ENO4: variants seen among roughly 807,000 people sequenced by gnomAD.
ENO4 encodes the protein enolase 4.
A neutral mutation model predicts 63.2 loss-of-function variants in ENO4; 53 were observed. The observed-to-expected ratio is 0.84, with a 90% CI of 0.67 to 1.05. ENO4 has a LOEUF of 1.05. Among genes scored for constraint, ENO4 ranks in the 50% least tolerant of loss-of-function variants. The pLI is 0.00. For missense variants in ENO4, 719 were observed against 772.0 expected (o/e 0.93, Z 0.81); for synonymous variants, 266 against 283.8 (o/e 0.94, Z 0.63).
intron 12 of ENO4, 26 bp from the exon 13 acceptor site, chr10:116,879,843 A>G (rs1360703466): frequency 1.3e-6 from 2 of 1,515,604 alleles, no homozygotes; most frequent in South Asian, 2.4e-5. Flanking sequence ...TCCTCCGTCT[A>G]AAATTAGTTT....
chr10:116,874,763 C>T (rs1846782613), intron 10 of ENO4, among the ~76,000 whole-genome samples: 1 of 152,190 alleles, frequency 6.6e-6, no homozygotes, highest in East Asian at 1.9e-4. Flanking sequence ...ACCTCTGCCT[C>T]CTGGGCTCAA....
At chr10:116,909,023 A>C (rs1032701512) in intron 10 of ENO4, among the ~76,000 whole-genome samples, 1 of 152,210 alleles carries the variant, frequency 6.6e-6, no homozygotes, top group Non-Finnish European at 1.5e-5. Context: ...TACCAAGACT[A>C]TTTTAGTTAT....
intron 1 of ENO4, among the ~76,000 whole-genome samples, chr10:116,854,844 G>A (rs577075926): frequency 3.8e-4 from 57 of 148,494 alleles, no homozygotes; most frequent in African/African-American, 1.4e-3. Flanking sequence ...GGGAGGCTGA[G>A]GTGGGAGAAT....
At chr10:116,865,527 C>T (rs1846527262) in intron 7 of ENO4, among the ~76,000 whole-genome samples, 1 of 152,114 alleles carries the variant, frequency 6.6e-6, no homozygotes, top group African/African-American at 2.4e-5. Flanking sequence ...TATCATGTTG[C>T]CTGCCTTTAA....
chr10:116,856,571 C>A lies in ENO4; in HGVS notation c.374C>A (p.Ala125Glu), dbSNP rs1347410867. 6.5e-7 allele frequency: 1 copy of A among 1,536,136 alleles called. No homozygotes were observed. The highest frequency in any genetic ancestry group is 8.7e-7 in the Non-Finnish European group (1 of 1,146,914). The stretch of plus-strand genomic sequence containing the variant: ...CCCGAGCTGGCCAAGGCGGAGGAGG[C>A]AGAGAGGGCCAGCGCGGTGAGCACC... ...ALPELAKAEE[A>E]ERASAVSTAV... The change falls in exon 3 of 14, where the codon GCA becomes GAA. Residue 125 changes from alanine (A) to glutamate (E), a missense_variant. Physicochemically the swap from Ala to Glu is moderately radical, Grantham distance 107 (BLOSUM62 -1). This residue lies in a region of ENO4 where 544 missense variants were observed against 583.6 expected (regional missense o/e 0.93). Transcript: ENST00000341276.
chr10:116,911,608 T>C (rs768251214), exon 11 of ENO4: 4 of 1,551,748 alleles, frequency 2.6e-6, no homozygotes, highest in Non-Finnish European at 3.5e-6. Flanking sequence ...CAGTGTTATT[T>C]GAAAAATTAT....
chr10:116,884,959 A>G (rs1847119296), downstream of ENO4: 1 of 152,296 alleles, frequency 6.6e-6, no homozygotes, highest in African/African-American at 2.4e-5. Flanking sequence ...TTACGTTTTA[A>G]TTCTCCATGA....
chr10:116,870,442 A>C (rs967618744), intron 8 of ENO4, among the ~76,000 whole-genome samples: 1 of 152,106 alleles, frequency 6.6e-6, no homozygotes, highest in Non-Finnish European at 1.5e-5. Flanking sequence ...AGACTTCAAG[A>C]CCAGCCTGGG....
chr10:116,870,470 GTC>G (rs910570066), intron 8 of ENO4, among the ~76,000 whole-genome samples: 2 of 152,118 alleles, frequency 1.3e-5, no homozygotes, highest in Admixed American at 6.5e-5. Context: ...GTGAGACCCT[GTC>G]TCTACAAAAA....
At chr10:116,911,750 T>C in exon 11 of ENO4, 1 of 1,581,996 alleles carries the variant, frequency 6.3e-7, no homozygotes, top group Middle Eastern at 1.7e-4. Flanking sequence ...CTCCTTTCAT[T>C]TCCCCATTAG....
At chr10:116,863,767 T>C (rs1846480436) in intron 7 of ENO4, among the ~76,000 whole-genome samples, 1 of 152,192 alleles carries the variant, frequency 6.6e-6, no homozygotes, top group South Asian at 2.1e-4. Context: ...GCGATGGTGG[T>C]TGGCTGGCTG....
At chr10:116,900,750 C>T in intron 10 of ENO4, 2 of 984,060 alleles carry the variant, frequency 2.0e-6, no homozygotes, top group Non-Finnish European at 2.4e-6. Context: ...TCAAATGACT[C>T]TAGTCAAAAG....
Position 116,854,989 on chromosome 10 carries a change from AGG to A in ENO4, c.166-632_166-631del, listed in dbSNP as rs1476066150. Among the ~76,000 whole-genome samples, 3 of 145,368 alleles carry A rather than the reference AGG, an allele frequency of 2.1e-5. No individual in the cohort carries two copies. The East Asian group carries it at 6.5e-4, about 31-fold the overall frequency. ...AAAAAGAAAGAAAGAAAAAGAAAAGAGGGATAGCTTAGGCAACTGAATTGACT... is the reference window on the plus strand; with the variant it reads ...AAAAAGAAAGAAAGAAAAAGAAAAGAGATAGCTTAGGCAACTGAATTGACT... On this transcript the variant is annotated intron_variant, in intron 1 of 13. Transcript: ENST00000341276.
chr10:116,904,827 T>C (rs1393669428), intron 10 of ENO4, among the ~76,000 whole-genome samples: 1 of 152,188 alleles, frequency 6.6e-6, no homozygotes, highest in Non-Finnish European at 1.5e-5. Context: ...ACAATGTTTC[T>C]GGAGAAACGA....
chr10:116,867,839 T>A (rs939195811), intron 7 of ENO4, among the ~76,000 whole-genome samples: 3 of 152,220 alleles, frequency 2.0e-5, no homozygotes, highest in Non-Finnish European at 4.4e-5. Context: ...AAGACTGTTC[T>A]TTAATGTTTG....
chr10:116,886,640 C>G (rs1043275893), downstream of ENO4: 54 of 1,586,086 alleles, frequency 3.4e-5, no homozygotes, highest in Non-Finnish European at 4.3e-5. Context: ...ATTCTGGATT[C>G]AGACTAACAT....
At chr10:116,861,640 A>G (rs1015176147) in intron 6 of ENO4, among the ~76,000 whole-genome samples, 2 of 152,168 alleles carry the variant, frequency 1.3e-5, no homozygotes, top group African/African-American at 4.8e-5. Flanking sequence ...CTCAAGTTGC[A>G]GGTTCACCAC....
At chr10:116,888,397 C>T (rs1847228514) in intron 10 of ENO4, among the ~76,000 whole-genome samples, 1 of 152,198 alleles carries the variant, frequency 6.6e-6, no homozygotes. Flanking sequence ...TCAGAGGAAT[C>T]AGACCTTAGG....
chr10:116,889,035 G>T (rs1847251979), intron 10 of ENO4, among the ~76,000 whole-genome samples: 1 of 152,248 alleles, frequency 6.6e-6, no homozygotes, highest in Non-Finnish European at 1.5e-5. Context: ...CTTTCAGCAT[G>T]CAAAGGAGGT....
Sources: allele counts gnomAD v4.1 joint callset (sites outside exome capture counted in the v4.1 genomes callset), GRCh38; gene constraint gnomAD v4.1.1; regional missense constraint gnomAD v4.1.1; transcripts MANE v1.5; gene names NCBI Gene and HGNC (gene_info 2026-07-23, HGNC 2026-07-21).